The following CDC7 variants were observed in gnomAD, a reference collection of about 807,000 sequenced individuals.
The protein encoded by CDC7 is cell division cycle 7-related protein kinase.
CDC7 carries 34 observed loss-of-function variants against 53.5 expected under a neutral mutation model. That is an observed-to-expected ratio of 0.64 (90% CI 0.48 to 0.85). CDC7 has a LOEUF of 0.85. Among genes scored for constraint, CDC7 ranks in the 40% least tolerant of loss-of-function variants. The pLI is 0.00. For synonymous variants in CDC7, 211 were observed against 222.8 expected (o/e 0.95, Z 0.47); for missense variants, 594 against 679.7 (o/e 0.87, Z 1.40).
At chr1:91,522,154 ACT>A (rs927270374) in intron 11 of CDC7, among the ~76,000 whole-genome samples, 5 of 151,974 alleles carry the variant, frequency 3.3e-5, no homozygotes, top group African/African-American at 9.7e-5. Flanking sequence ...ACAGAGCAAG[ACT>A]CTGTCTCAAA....
chr1:91,523,790 C>G (rs1192140089), intron 11 of CDC7, among the ~76,000 whole-genome samples: 1 of 152,106 alleles, frequency 6.6e-6, no homozygotes, highest in Non-Finnish European at 1.5e-5. Context: ...GAGTGCCTGG[C>G]ATAGCTTAGT....
At chr1:91,515,095 C>T in intron 9 of CDC7, 98 bp downstream of exon 9, 2 of 918,284 alleles carry the variant, frequency 2.2e-6, no homozygotes, top group Non-Finnish European at 3.3e-6. Flanking sequence ...GGGATCAGTT[C>T]AGATCAGTGA....
intron 10 of CDC7, among the ~76,000 whole-genome samples, chr1:91,517,833 C>T (rs893069622): frequency 6.6e-6 from 1 of 152,056 alleles, no homozygotes; most frequent in Admixed American, 6.5e-5. Context: ...CACAGTGGCT[C>T]ATGCCTATAA....
rs151309281 is a variant in CDC7, at chr1:91,513,285, T to C, written c.800T>C (p.Ile267Thr). The C allele has an allele frequency of 3.9e-4, 627 of 1,613,058 alleles. No homozygotes were observed. The highest frequency in any genetic ancestry group is 5.0e-4 in the Non-Finnish European group (587 of 1,179,476). Residue 267 changes from isoleucine to threonine, a missense_variant, in exon 7 of 12, where the codon ATT (isoleucine) becomes ACT (threonine). Ile to Thr is a moderately conservative substitution (Grantham distance 89). Transcript: ENST00000234626. Reference sequence around the variant, plus strand: ...CCCTACACAAATGCACAAATTCAGATTAAACAAGGAAAAGACGGAAAGGTT... The same window carrying C: ...CCCTACACAAATGCACAAATTCAGACTAAACAAGGAAAAGACGGAAAGGTT... ...KRPYTNAQIQIKQGKDGKEGS... is the reference protein window; with the variant it reads ...KRPYTNAQIQTKQGKDGKEGS...
At chr1:91,509,765 A>G (rs1667179026) in intron 4 of CDC7, among the ~76,000 whole-genome samples, 1 of 152,106 alleles carries the variant, frequency 6.6e-6, no homozygotes, top group Admixed American at 6.5e-5. Flanking sequence ...TGAAAAAAAA[A>G]TTCAACCTTC....
chr1:91,514,916 GGAAA>G lies in CDC7; in HGVS notation c.1017_1020del (p.Lys340LeufsTer9), dbSNP rs752464650. ...AAAGTTATGAATAGTGCTGTGATGAGGAAAACTGCCAGTTCTTGCCCAGCTAGCC... is the reference window on the plus strand; with the variant it reads ...AAAGTTATGAATAGTGCTGTGATGAGACTGCCAGTTCTTGCCCAGCTAGCC... On this transcript the variant is annotated frameshift_variant, in exon 9 of 12. Transcript: ENST00000234626. LOFTEE classifies it high-confidence loss of function. 14 of 1,613,696 alleles carry G rather than the reference GGAAA, an allele frequency of 8.7e-6. No individual in the cohort carries two copies. The highest frequency in any genetic ancestry group is 1.3e-5 in the African/African-American group (1 of 74,902).
intron 2 of CDC7, 94 bp downstream of exon 2, chr1:91,501,925 TATAAA>T: frequency 1.1e-6 from 1 of 907,750 alleles, no homozygotes; most frequent in Non-Finnish European, 1.8e-6. Flanking sequence ...GATTGAATCT[TATAAA>T]GTGAATTGTA....
At chr1:91,518,093 CAAAAAAAAA>C (rs55787737) in intron 10 of CDC7, among the ~76,000 whole-genome samples, 6 of 46,020 alleles carry the variant, frequency 1.3e-4, no homozygotes, top group Admixed American at 4.1e-4. Flanking sequence ...GACTCAGTCT[CAAAAAAAAA>C]AAAAAAAAAA....
At chr1:91,520,363 C>A in intron 11 of CDC7, 84 bp downstream of exon 11, 1 of 1,150,194 alleles carries the variant, frequency 8.7e-7, no homozygotes, top group Non-Finnish European at 1.2e-6. Context: ...GTGAAATTTT[C>A]TTTACAAATA....
intron 11 of CDC7, 76 bp from the exon 12 acceptor site, chr1:91,523,965 C>T: frequency 8.9e-7 from 1 of 1,121,344 alleles, no homozygotes; most frequent in Non-Finnish European, 1.3e-6. Flanking sequence ...TCATGTTTCT[C>T]ATGAGAGAGG....
intron 6 of CDC7, among the ~76,000 whole-genome samples, chr1:91,512,774 C>A (rs11164872): frequency 6.6e-6 from 1 of 151,992 alleles, no homozygotes; most frequent in Non-Finnish European, 1.5e-5. Context: ...CAGAGAACAA[C>A]GGACTGTGTT....
intron 10 of CDC7, 68 bp downstream of exon 10, chr1:91,515,944 C>CT: frequency 7.8e-7 from 1 of 1,284,950 alleles, no homozygotes; most frequent in Non-Finnish European, 1.1e-6. Context: ...ATTTTATGAT[C>CT]TTTGTCTATT....
Position 91,513,209 on chromosome 1 carries a change from G to A in CDC7, c.724G>A (p.Val242Ile). The change falls in exon 7 of 12, where the codon GTA becomes ATA. Residue 242 changes from valine (V) to isoleucine (I), a missense_variant. Coordinates refer to ENST00000234626, the MANE Select transcript of CDC7 (RefSeq NM_003503.4). Reference protein sequence around the residue: ...TGNKIPLSGPVPKELDQQSTT... With the variant: ...TGNKIPLSGPIPKELDQQSTT... Reference sequence around the variant, plus strand: ...AAACAAGATTCCACTGAGTGGCCCAGTACCTAAGGAGCTGGATCAGCAGTC... The same window carrying A: ...AAACAAGATTCCACTGAGTGGCCCAATACCTAAGGAGCTGGATCAGCAGTC... The A allele has an allele frequency of 6.2e-7, 1 of 1,613,738 alleles. No homozygotes were observed. Among genetic ancestry groups the A allele is most frequent in the Non-Finnish European group, 8.5e-7 (1 of 1,179,758 alleles).
At chr1:91,501,516 G>C (rs1478953448) in intron 1 of CDC7, 138 bp from the exon 2 acceptor site, 3 of 543,316 alleles carry the variant, frequency 5.5e-6, no homozygotes, top group African/African-American at 3.7e-5. Flanking sequence ...CCTTAGACAA[G>C]GCCACAGTAT....
At chr1:91,506,931 C>T (rs1667026578) in intron 2 of CDC7, among the ~76,000 whole-genome samples, 1 of 152,116 alleles carries the variant, frequency 6.6e-6, no homozygotes, top group Non-Finnish European at 1.5e-5. Context: ...ACCTGGGCAA[C>T]AGAGTGAGAC....
rs1374425413 is a variant in CDC7 at position 91,501,768 on chromosome 1, C to T, written c.52C>T (p.Gln18Ter). ...GGATGAGCCAATGGCTTTTTCTCCC[C>T]AGCGTGACCGGTTTCAGGCTGAAGG... ...QMDEPMAFSP[Q>*]RDRFQAEGSL... Residue 18 changes from glutamine (Q) to a stop codon, truncating the protein, a stop_gained, in exon 2 of 12, where the codon CAG (glutamine) becomes TAG (stop). Transcript: ENST00000234626. LOFTEE classifies it high-confidence loss of function. 1 of 1,614,006 alleles carries T rather than the reference C, an allele frequency of 6.2e-7. No individual in the cohort carries two copies.
At chr1:91,512,582 CAT>C (rs1375211805) in intron 6 of CDC7, among the ~76,000 whole-genome samples, 2 of 151,958 alleles carry the variant, frequency 1.3e-5, no homozygotes, top group Non-Finnish European at 2.9e-5. Context: ...CTAAAAATAA[CAT>C]AAATACCTCT....
At chr1:91,509,190 G>T (rs1250287736) in intron 4 of CDC7, among the ~76,000 whole-genome samples, 3 of 151,852 alleles carry the variant, frequency 2.0e-5, no homozygotes, top group Non-Finnish European at 4.4e-5. Context: ...AGGTTTCTCT[G>T]TATTCTTAGT....
chr1:91,524,009 T>A (rs746361189), intron 11 of CDC7, 32 bp from the exon 12 acceptor site: 1 of 1,531,186 alleles, frequency 6.5e-7, no homozygotes, highest in South Asian at 1.2e-5. Flanking sequence ...AATGTTTTTT[T>A]CTGTTTTTGT....
Sources: gnomAD v4.1 joint callset for allele counts (sites outside exome capture counted in the v4.1 genomes callset) on GRCh38, gnomAD v4.1.1 for gene constraint, MANE v1.5 for transcripts, NCBI Gene and HGNC (gene_info 2026-07-23, HGNC 2026-07-21) for gene names.